Variants in CLEC7A observed in about 807,000 individuals in gnomAD.
CLEC7A encodes C-type lectin domain family 7 member A.
A neutral mutation model predicts 26.9 loss-of-function variants in CLEC7A; 25 were observed. That is an observed-to-expected ratio of 0.93 (90% CI 0.68 to 1.30). CLEC7A has a LOEUF of 1.30. CLEC7A is among the 50% of genes most tolerant of loss of function. The probability of loss-of-function intolerance (pLI) is 0.00; values close to 1 mark genes in which losing one functional copy is unlikely to be tolerated. For missense variants in CLEC7A, 275 were observed against 286.7 expected, an observed-to-expected ratio of 0.96 and a Z score of 0.29; for synonymous variants, 100 against 99.5, an observed-to-expected ratio of 1.01 and a Z score of -0.03.
rs1448180116 is a variant in CLEC7A, at chr12:10,117,605, A to G, written c.*853T>C. 1 of 152,018 alleles carries G rather than the reference A, an allele frequency of 6.6e-6. No individual in the cohort carries two copies. Among genetic ancestry groups the G allele is most frequent in the Admixed American group, 6.5e-5 (1 of 15,274 alleles). The allele number at this position is 152,018 out of a possible 1,614,324, so 9.4% of individuals were successfully genotyped here. On this transcript the variant is annotated 3_prime_UTR_variant, in exon 6 of 6. Coordinates refer to ENST00000304084, the MANE Select transcript of CLEC7A (RefSeq NM_197947.3). Reference sequence around the variant, plus strand: ...TCTCTGAGCTATTTAATTGATAAAGAAAAAGTAGGAGTTCCTGCTTTTTAC... The same window carrying G: ...TCTCTGAGCTATTTAATTGATAAAGGAAAAGTAGGAGTTCCTGCTTTTTAC...
intron 1 of CLEC7A, among the ~76,000 whole-genome samples, chr12:10,129,773 A>G (rs1948427872): frequency 6.6e-6 from 1 of 152,052 alleles, no homozygotes; most frequent in African/African-American, 2.4e-5. Flanking sequence ...GTGCACCACC[A>G]TGCCCGGCTA....
chr12:10,123,408 G>C, intron 4 of CLEC7A, 45 bp from the exon 5 acceptor site: 1 of 1,015,116 alleles, frequency 9.9e-7, no homozygotes, highest in Non-Finnish European at 1.5e-6. Context: ...GAGAGAGAGA[G>C]AGAGAAAGAA....
chr12:10,124,450 T>G (rs1948206018), intron 4 of CLEC7A, among the ~76,000 whole-genome samples: 1 of 152,208 alleles, frequency 6.6e-6, no homozygotes, highest in Admixed American at 6.5e-5. Context: ...TGAAAACTTC[T>G]TAGGAACACG....
rs1173796964 is a variant in CLEC7A at position 10,118,290 on chromosome 12, T to C, written c.*168A>G. The C allele has an allele frequency of 3.3e-6, 2 of 614,182 alleles. No homozygotes were observed. The highest frequency in any genetic ancestry group is 1.9e-5 in the African/African-American group (1 of 52,080). The allele number at this position is 614,182 out of a possible 1,614,324, so 38.0% of individuals were successfully genotyped here. A position where few individuals can be genotyped will look rare whatever the true frequency, so the allele number is the denominator to read the frequency against. On this transcript the variant is annotated 3_prime_UTR_variant, in exon 6 of 6. Transcript: ENST00000304084. ...ACTAGCCTACCTGTAGGTCGACAAA[T>C]ACAGAAATCACAGCCTCTCCCTTCA...
chr12:10,126,751 T>C (rs1948300618), intron 2 of CLEC7A, 43 bp from the exon 3 acceptor site: 7 of 1,502,258 alleles, frequency 4.7e-6, no homozygotes, highest in Non-Finnish European at 6.4e-6. Flanking sequence ...AAAAATGTCA[T>C]TCTGCTGTGT....
chr12:10,126,833 A>G, intron 2 of CLEC7A, 125 bp from the exon 3 acceptor site: 1 of 781,974 alleles, frequency 1.3e-6, no homozygotes, highest in Admixed American at 3.2e-5. Flanking sequence ...TGATAAATAG[A>G]TGATATATTG....
In CLEC7A at chr12:10,126,923, A is replaced by G. The variant is rs1183706332; in HGVS notation, c.203-215T>C. On this transcript the variant is annotated intron_variant, in intron 2 of 5. Coordinates refer to ENST00000304084, the MANE Select transcript of CLEC7A (RefSeq NM_197947.3). ...TATAAAGGAGGTATAGTAAAAAAAA[A>G]AAAAGAAAAGAAAAAAGAAGGTGGA... 6 of 867,728 alleles carry G rather than the reference A, an allele frequency of 6.9e-6. No homozygotes were observed. In the South Asian group the frequency reaches 1.4e-4, roughly 21 times the overall value. 53.8% of individuals were successfully genotyped at this position (867,728 alleles called of 1,614,324 possible).
intron 4 of CLEC7A, 66 bp downstream of exon 4, chr12:10,125,231 G>T: frequency 7.4e-7 from 1 of 1,343,064 alleles, no homozygotes; most frequent in Non-Finnish European, 1.0e-6. Flanking sequence ...GTCATTACCT[G>T]GAATCTCCCT....
chr12:10,118,545 A>G lies in CLEC7A; in HGVS notation c.657T>C (p.Asn219=), dbSNP rs754160847. Residue 219 remains asparagine, a synonymous_variant, in exon 6 of 6, where the codon AAT becomes AAC. Transcript: ENST00000304084. The part of the protein sequence containing the change: ...TTATQENPSP[N]CVWIHVSVIY... ...TGACTGACACGTGAATCCATACACA[A>G]TTTGGAGATGGGTTTTCTTGGGTAG... The G allele has an allele frequency of 2.5e-6, 4 of 1,613,166 alleles. No homozygotes were observed. Among genetic ancestry groups the G allele is most frequent in the Non-Finnish European group, 3.4e-6 (4 of 1,179,122 alleles).
intron 5 of CLEC7A, among the ~76,000 whole-genome samples, chr12:10,122,529 C>T (rs1476606544): frequency 2.9e-5 from 4 of 136,014 alleles, no homozygotes; most frequent in Non-Finnish European, 4.5e-5. Flanking sequence ...ACTGGAGTCT[C>T]ACTCTGTCAT....
intron 1 of CLEC7A, among the ~76,000 whole-genome samples, chr12:10,129,685 T>G (rs1565411276): frequency 6.6e-6 from 1 of 152,180 alleles, no homozygotes. Flanking sequence ...TGGCATGATC[T>G]TGGCTCACTG....
rs1947956327 is a variant in CLEC7A at position 10,117,792 on chromosome 12, A to T, written c.*666T>A. 6.6e-6 allele frequency: 1 copy of T among 152,256 alleles called. No homozygotes were observed. The highest frequency in any genetic ancestry group is 2.4e-5 in the African/African-American group (1 of 41,440). The allele number at this position is 152,256 out of a possible 1,614,324, so 9.4% of individuals were successfully genotyped here. Reference sequence around the variant, plus strand: ...TAGAAGTTGAGGGTCAAATCGTGGCAACACACCGTGCACTTCAATGGCATT... The same window carrying T: ...TAGAAGTTGAGGGTCAAATCGTGGCTACACACCGTGCACTTCAATGGCATT... On this transcript the variant is annotated 3_prime_UTR_variant, in exon 6 of 6. Coordinates refer to ENST00000304084, the MANE Select transcript of CLEC7A (RefSeq NM_197947.3).
chr12:10,128,670 T>C (rs1025876241), intron 1 of CLEC7A, among the ~76,000 whole-genome samples: 1 of 152,176 alleles, frequency 6.6e-6, no homozygotes, highest in African/African-American at 2.4e-5. Context: ...CTAACACATA[T>C]AAAAGCACCT....
At chr12:10,124,042 C>G (rs111908278) in intron 4 of CLEC7A, among the ~76,000 whole-genome samples, 1 of 93,754 alleles carries the variant, frequency 1.1e-5, no homozygotes, top group Admixed American at 1.0e-4. Flanking sequence ...ACGCTACTTT[C>G]GTTAAGAAGT....
At chr12:10,129,763 G>T (rs1464686039) in intron 1 of CLEC7A, among the ~76,000 whole-genome samples, 1 of 151,930 alleles carries the variant, frequency 6.6e-6, no homozygotes, top group African/African-American at 2.4e-5. Flanking sequence ...AACTACAGGC[G>T]TGCACCACCA....
chr12:10,119,885 A>G (rs967902569), intron 5 of CLEC7A, among the ~76,000 whole-genome samples: 1 of 152,160 alleles, frequency 6.6e-6, no homozygotes, highest in Non-Finnish European at 1.5e-5. Context: ...AATTGGAATT[A>G]TCAGACACAA....
intron 1 of CLEC7A, among the ~76,000 whole-genome samples, chr12:10,128,048 C>CA (rs35949285): frequency 0.65 from 88,149 of 136,250 alleles, 31,930 homozygotes; most frequent in Non-Finnish European, 0.84. Flanking sequence ...CTGTCCCTAC[C>CA]AAAAAAAAAA....
Position 10,118,352 on chromosome 12 carries a change from A to G in CLEC7A, c.*106T>C. The G allele has an allele frequency of 1.8e-6, 2 of 1,116,946 alleles. No individual in the cohort carries two copies. Among genetic ancestry groups the G allele is most frequent in the Non-Finnish European group, 2.6e-6 (2 of 766,130 alleles). The allele number at this position is 1,116,946 out of a possible 1,614,324, so 69.2% of individuals were successfully genotyped here. A position where few individuals can be genotyped will look rare whatever the true frequency, so the allele number is the denominator to read the frequency against. On this transcript the variant is annotated 3_prime_UTR_variant, in exon 6 of 6. Transcript: ENST00000304084. ...AAGATTACAGTTGGCCAAGCTCTCT[A>G]AACATTTTCTGCATTTATCTTGACC...
At chr12:10,126,797 G>T in intron 2 of CLEC7A, 89 bp from the exon 3 acceptor site, 1 of 974,572 alleles carries the variant, frequency 1.0e-6, no homozygotes, top group Non-Finnish European at 1.5e-6. Context: ...AATGTTATTG[G>T]AATAAAAGAA....
Sources: gnomAD v4.1 joint callset for allele counts (sites outside exome capture counted in the v4.1 genomes callset) on GRCh38, gnomAD v4.1.1 for gene constraint, MANE v1.5 for transcripts, NCBI Gene and HGNC (gene_info 2026-07-23, HGNC 2026-07-21) for gene names.